The following SLCO2A1 variants were observed in gnomAD, a reference collection of about 807,000 sequenced individuals.
SLCO2A1 encodes solute carrier organic anion transporter family member 2A1, also known as matrin F/G 1.
SLCO2A1 carries 60 observed loss-of-function variants against 71.7 expected under a neutral mutation model. The observed-to-expected ratio is 0.84, with a 90% CI of 0.68 to 1.04. The LOEUF is 1.04. Ranked by LOEUF, SLCO2A1 falls within the 50% of genes least tolerant of loss-of-function variation. The pLI, the probability that SLCO2A1 is intolerant of heterozygous loss-of-function variation, is 0.00. For missense variants in SLCO2A1, 745 were observed against 813.4 expected (o/e 0.92, Z 1.02); for synonymous variants, 308 against 326.7 (o/e 0.94, Z 0.62).
rs752160678 is a variant in SLCO2A1, at chr3:133,951,329, A to G, written c.740T>C (p.Val247Ala). The change falls in exon 6 of 14, where the codon GTC becomes GCC. Residue 247 changes from valine (V) to alanine (A), a missense_variant. By Grantham distance (64) the Val-to-Ala change is moderately conservative. Coordinates refer to ENST00000310926, the MANE Select transcript of SLCO2A1 (RefSeq NM_005630.3). ...GRVNTAAVNLVPGDPRWIGAW... is the reference protein window; with the variant it reads ...GRVNTAAVNLAPGDPRWIGAW... ...TCCAATCCATCGGGGGTCACCCGGG[A>G]CCAAGTTAACTGCAGCTGAAGAGAA... 6.2e-7 allele frequency: 1 copy of G among 1,614,098 alleles called. No homozygotes were observed.
intron 2 of SLCO2A1, among the ~76,000 whole-genome samples, chr3:133,979,205 A>C (rs1162843258): frequency 6.6e-6 from 1 of 152,220 alleles, no homozygotes; most frequent in Non-Finnish European, 1.5e-5. Context: ...TGAAGTGGGC[A>C]TGAACATAGT....
At chr3:133,984,816 G>T (rs11720843) in intron 1 of SLCO2A1, among the ~76,000 whole-genome samples, 17,801 of 152,184 alleles carry the variant, frequency 0.12, 1,331 homozygotes, top group Non-Finnish European at 0.16. Flanking sequence ...TTGAGTTTTG[G>T]AGTCAAACAG....
chr3:133,973,605 C>A lies in SLCO2A1; in HGVS notation c.397+58G>T. ...ACTGCCCTAGGAGTATCCCCACTAACTTTGTGAGATGTTCACCCATTCCTT... is the reference window on the plus strand; with the variant it reads ...ACTGCCCTAGGAGTATCCCCACTAAATTTGTGAGATGTTCACCCATTCCTT... On this transcript the variant is annotated intron_variant, in intron 3 of 13. Coordinates refer to ENST00000310926, the MANE Select transcript of SLCO2A1 (RefSeq NM_005630.3). The A allele has an allele frequency of 1.9e-6, 3 of 1,586,104 alleles. No individual in the cohort carries two copies. The South Asian group carries it at 3.4e-5, about 18-fold the overall frequency.
chr3:133,952,041 A>G (rs1255590670), intron 5 of SLCO2A1, among the ~76,000 whole-genome samples: 2 of 152,216 alleles, frequency 1.3e-5, no homozygotes, highest in African/African-American at 4.8e-5. Context: ...CTCTGTGTAA[A>G]GAAACTATCC....
chr3:133,995,852 TG>T (rs1395678050), intron 1 of SLCO2A1, among the ~76,000 whole-genome samples: 1 of 152,210 alleles, frequency 6.6e-6, no homozygotes, highest in African/African-American at 2.4e-5. Context: ...ATTAACAAAT[TG>T]GGTTATAAAT....
chr3:133,974,490 G>C (rs575869609), intron 2 of SLCO2A1, among the ~76,000 whole-genome samples: 3 of 152,172 alleles, frequency 2.0e-5, no homozygotes, highest in African/African-American at 7.2e-5. Context: ...TGGAGAAGAG[G>C]GTTTCTGCCC....
At chr3:133,982,714 C>T (rs567087176) in intron 1 of SLCO2A1, among the ~76,000 whole-genome samples, 41 of 152,232 alleles carry the variant, frequency 2.7e-4, no homozygotes, top group African/African-American at 9.6e-4. Context: ...TAAGCCTTGG[C>T]TCAGGCCCTC....
At chr3:134,010,866 G>A (rs139250384) in intron 1 of SLCO2A1, among the ~76,000 whole-genome samples, 401 of 151,948 alleles carry the variant, frequency 2.6e-3, no homozygotes, top group African/African-American at 8.4e-3. Flanking sequence ...GTCCCTCCTC[G>A]GACATGTGGG....
At chr3:133,946,047 A>G (rs1933567079) in intron 9 of SLCO2A1, among the ~76,000 whole-genome samples, 1 of 152,176 alleles carries the variant, frequency 6.6e-6, no homozygotes, top group Non-Finnish European at 1.5e-5. Flanking sequence ...GTCTGAGGAC[A>G]AAGCCATGTG....
chr3:133,959,454 T>C (rs1314708379), intron 3 of SLCO2A1, among the ~76,000 whole-genome samples: 3 of 149,332 alleles, frequency 2.0e-5, no homozygotes, highest in African/African-American at 7.5e-5. Context: ...ATTAGAACCC[T>C]ATGCATCGCT....
chr3:133,942,829 T>A, intron 10 of SLCO2A1, 61 bp from the exon 11 acceptor site: 1 of 1,505,912 alleles, frequency 6.6e-7, no homozygotes, highest in Admixed American at 2.0e-5. Context: ...TTCACACACT[T>A]CAGACGTCTG....
chr3:134,019,418 G>A (rs1035087989), intron 1 of SLCO2A1, among the ~76,000 whole-genome samples: 2 of 152,144 alleles, frequency 1.3e-5, no homozygotes, highest in African/African-American at 2.4e-5. Flanking sequence ...ATTATTAAAT[G>A]TGGTTTTTCT....
chr3:133,946,506 T>G (rs1260343267), intron 9 of SLCO2A1, among the ~76,000 whole-genome samples: 1 of 152,212 alleles, frequency 6.6e-6, no homozygotes, highest in Non-Finnish European at 1.5e-5. Flanking sequence ...CCTGCCCTAA[T>G]TTTTCAAGTC....
At chr3:133,997,980 T>C (rs570613380) in intron 1 of SLCO2A1, among the ~76,000 whole-genome samples, 2 of 152,206 alleles carry the variant, frequency 1.3e-5, no homozygotes, top group Non-Finnish European at 2.9e-5. Flanking sequence ...CTCACAGCCT[T>C]GCTCACGGTG....
rs778081416 is a variant in SLCO2A1, at chr3:133,954,970, G to A, written c.621C>T (p.Tyr207=). The change falls in exon 4 of 14, where the codon TAC becomes TAT. Residue 207 remains tyrosine (Y), a synonymous_variant. Coordinates refer to ENST00000310926, the MANE Select transcript of SLCO2A1 (RefSeq NM_005630.3). ...DFSEPSNSPL[Y]ISILFAISVF... ...CTCTTCAAGCCGGTGACTCACAGAT[G>A]TACAGGGGCGAGTTGCTGGGCTCTG... The A allele has an allele frequency of 5.0e-6, 8 of 1,613,598 alleles. No homozygotes were observed. The highest frequency in any genetic ancestry group is 6.8e-6 in the Non-Finnish European group (8 of 1,179,720).
At chr3:133,940,661 C>T (rs1315363553) in intron 11 of SLCO2A1, among the ~76,000 whole-genome samples, 1 of 152,132 alleles carries the variant, frequency 6.6e-6, no homozygotes, top group East Asian at 1.9e-4. Context: ...AGAAGGGAAG[C>T]CCGCTGAAGA....
chr3:133,992,843 C>T (rs369581752), intron 1 of SLCO2A1, among the ~76,000 whole-genome samples: 1 of 152,172 alleles, frequency 6.6e-6, no homozygotes, highest in African/African-American at 2.4e-5. Flanking sequence ...GCTGTTAAAT[C>T]CCCTGCATTT....
chr3:133,938,538 G>A, intron 11 of SLCO2A1, 45 bp from the exon 12 acceptor site: 5 of 1,587,276 alleles, frequency 3.2e-6, no homozygotes, highest in Non-Finnish European at 4.3e-6. Flanking sequence ...ATTCAGGGCT[G>A]CACGATCCCT....
Position 134,009,607 on chromosome 3 carries a change from G to T in SLCO2A1, c.96+20100C>A, listed in dbSNP as rs80199436. Among the ~76,000 whole-genome samples the T allele has an allele frequency of 3.1e-3, 479 of 152,316 alleles. 3 individuals carry two copies. The highest frequency in any genetic ancestry group is 0.011 in the African/African-American group (445 of 41,568). On this transcript the variant is annotated intron_variant, in intron 1 of 13. Transcript: ENST00000310926. ...ACTTGACTGCCCCACGCCCATGAAG[G>T]GCGTAAATGCTCATGTGCCATACAG... is the stretch of plus-strand genomic sequence containing the variant.
Sources: gnomAD v4.1 joint callset for allele counts (sites outside exome capture counted in the v4.1 genomes callset) on GRCh38, gnomAD v4.1.1 for gene constraint, MANE v1.5 for transcripts, NCBI Gene and HGNC (gene_info 2026-07-23, HGNC 2026-07-21) for gene names.